Variants in BSN observed in about 807,000 individuals in gnomAD.
The protein encoded by BSN is protein bassoon.
In BSN, 57 loss-of-function variants were observed where a neutral mutation model predicts 264.8. The ratio of observed to expected loss-of-function variants is 0.22; its 90% CI spans 0.17 to 0.27. The LOEUF (loss-of-function observed/expected upper bound fraction) is 0.27, where lower values mean the gene tolerates loss of function less well. BSN is among the 10% of genes least tolerant of loss of function. BSN has a pLI of 1.00. For missense variants in BSN, 4,615 were observed against 5,232.5 expected (o/e 0.88, Z 3.64); for synonymous variants, 2,059 against 2,137.3 (o/e 0.96, Z 1.01).
intron 1 of BSN, among the ~76,000 whole-genome samples, chr3:49,605,935 TTATATATAAA>T (rs2052133988): frequency 2.3e-5 from 2 of 86,762 alleles, no homozygotes; most frequent in Admixed American, 2.2e-4. Flanking sequence ...TAAAATCTAT[TTATATATAAA>T]TATATATAAA....
rs958638570 is a variant in BSN, at chr3:49,655,053, C to T, written c.5497C>T (p.Pro1833Ser). 1.2e-6 allele frequency: 2 copies of T among 1,613,112 alleles called. No homozygotes were observed. Among genetic ancestry groups the T allele is most frequent in the African/African-American group, 2.7e-5 (2 of 75,076 alleles). The stretch of plus-strand genomic sequence containing the variant: ...CCAGAGCATTGGCCTCAAGCCAGGC[C>T]CAGTGCCAGAGCCAGGTGCCGAGCC... Reference protein sequence around the residue: ...TAQSIGLKPGPVPEPGAEPHR... With the variant: ...TAQSIGLKPGSVPEPGAEPHR... Residue 1833 changes from proline (P) to serine (S), a missense_variant, in exon 5 of 12, where the codon CCA becomes TCA. By Grantham distance (74) the Pro-to-Ser change is moderately conservative. Transcript: ENST00000296452.
intron 1 of BSN, among the ~76,000 whole-genome samples, chr3:49,581,963 A>G (rs951421047): frequency 6.6e-6 from 1 of 152,208 alleles, no homozygotes; most frequent in Non-Finnish European, 1.5e-5. Context: ...TTGGCATTCA[A>G]GTATCTGTTC....
intron 1 of BSN, among the ~76,000 whole-genome samples, chr3:49,575,157 C>G (rs1405289407): frequency 4.6e-5 from 7 of 151,886 alleles, no homozygotes; most frequent in Non-Finnish European, 1.0e-4. Flanking sequence ...TGCCGAAGAT[C>G]AGCCTGGGCA....
chr3:49,618,570 A>G (rs115522114), intron 1 of BSN, among the ~76,000 whole-genome samples: 3,302 of 152,258 alleles, frequency 0.022, 125 homozygotes, highest in African/African-American at 0.074. Flanking sequence ...ACACACTATC[A>G]CACGATTGCT....
chr3:49,564,392 C>T (rs1216757493), intron 1 of BSN, among the ~76,000 whole-genome samples: 2 of 152,218 alleles, frequency 1.3e-5, no homozygotes, highest in Non-Finnish European at 2.9e-5. Flanking sequence ...GCATGAGTCT[C>T]TGCTATGTTT....
Position 49,599,595 on chromosome 3 carries a change from C to T in BSN, c.225-25380C>T, listed in dbSNP as rs1383760998. Among the ~76,000 whole-genome samples, 3 of 152,188 alleles carry T rather than the reference C, an allele frequency of 2.0e-5. No homozygotes were observed. In the East Asian group the frequency reaches 5.8e-4, roughly 29 times the overall value. The stretch of plus-strand genomic sequence containing the variant: ...ACACCACAGACTCTCACTGTTCTTA[C>T]CAAGATTTAGTAGACTTTCTCGATT... On this transcript the variant is annotated intron_variant, in intron 1 of 11. Coordinates refer to ENST00000296452, the MANE Select transcript of BSN (RefSeq NM_003458.4).
At chr3:49,581,628 A>T (rs2051896043) in intron 1 of BSN, among the ~76,000 whole-genome samples, 1 of 152,076 alleles carries the variant, frequency 6.6e-6, no homozygotes, top group Admixed American at 6.6e-5. Flanking sequence ...GATCGAGACC[A>T]TCCTGGCCAA....
intron 3 of BSN, among the ~76,000 whole-genome samples, chr3:49,650,345 C>T (rs1247105715): frequency 6.6e-6 from 1 of 152,130 alleles, no homozygotes; most frequent in Non-Finnish European, 1.5e-5. Flanking sequence ...CTTTTCTGGC[C>T]TGGTGAAAAG....
At chr3:49,586,666 G>A (rs2051940530) in intron 1 of BSN, among the ~76,000 whole-genome samples, 1 of 152,220 alleles carries the variant, frequency 6.6e-6, no homozygotes, top group Non-Finnish European at 1.5e-5. Context: ...TGAAGATACT[G>A]TCTTTTCTCC....
At chr3:49,621,733 T>A (rs569146135) in intron 1 of BSN, among the ~76,000 whole-genome samples, 1 of 152,140 alleles carries the variant, frequency 6.6e-6, no homozygotes, top group South Asian at 2.1e-4. Flanking sequence ...ATTATTTATT[T>A]TAGAGACAGA....
In BSN at chr3:49,642,493, G is replaced by A. The variant is rs202140904; in HGVS notation, c.859G>A (p.Val287Met). The change falls in exon 3 of 12, where the codon GTG becomes ATG. Residue 287 changes from valine to methionine, a missense_variant. By Grantham distance (21) the Val-to-Met change is conservative. Coordinates refer to ENST00000296452, the MANE Select transcript of BSN (RefSeq NM_003458.4). This position sits in a 1 kb window ranked among gnomAD's most constrained non-coding sequence, Gnocchi z 7.0. ...GGCTGAGACAGCCAGGGCCACCTCA[G>A]TGCCGGGGCCTGCCCAAGCAGCTGC... ...RQAETARATS[V>M]PGPAQAAAPP... 79 of 1,572,644 alleles carry A rather than the reference G, an allele frequency of 5.0e-5. 1 individual carries two copies. In the East Asian group the frequency reaches 1.0e-3, roughly 20 times the overall value.
At chr3:49,604,449 G>A (rs191654853) in intron 1 of BSN, among the ~76,000 whole-genome samples, 3 of 152,202 alleles carry the variant, frequency 2.0e-5, no homozygotes, top group Admixed American at 1.3e-4. Flanking sequence ...GGTACCTCGT[G>A]TAAGTGGAAT....
chr3:49,654,122 T>G lies in BSN; in HGVS notation c.4566T>G (p.Gly1522=), dbSNP rs760801258. Residue 1522 remains glycine (G), a synonymous_variant, in exon 5 of 12, where the codon GGT becomes GGG. Transcript: ENST00000296452. This position sits in a 1 kb window ranked among gnomAD's most constrained non-coding sequence, Gnocchi z 4.1. ...APASDMPRSP[G]APTPSPMVAQ... ...CCTCAGACATGCCACGGAGCCCTGG[T>G]GCCCCCACTCCATCACCTATGGTAG... The G allele has an allele frequency of 2.5e-6, 4 of 1,613,984 alleles. No homozygotes were observed. In the South Asian group the frequency reaches 4.4e-5, roughly 18 times the overall value.
chr3:49,665,834 T>C (rs893536710), intron 11 of BSN, among the ~76,000 whole-genome samples: 4 of 152,128 alleles, frequency 2.6e-5, no homozygotes, highest in African/African-American at 9.7e-5. Context: ...GGAAGGGACA[T>C]AGAGGAAAGG....
At chr3:49,650,482 C>T (rs568815367) in intron 3 of BSN, 130 bp from the exon 4 acceptor site, 8 of 875,206 alleles carry the variant, frequency 9.1e-6, no homozygotes, top group East Asian at 7.8e-5. Flanking sequence ...TCTTTTTCTC[C>T]TTATGTCTTT....
chr3:49,578,933 C>T (rs1259935636), intron 1 of BSN, among the ~76,000 whole-genome samples: 4 of 152,096 alleles, frequency 2.6e-5, no homozygotes, highest in Admixed American at 6.6e-5. Context: ...TTCCAAGGCT[C>T]ATCCAGGATG....
chr3:49,610,594 A>AAAC (rs1206544233), intron 1 of BSN, among the ~76,000 whole-genome samples: 14 of 151,534 alleles, frequency 9.2e-5, no homozygotes, highest in East Asian at 1.9e-4. Flanking sequence ...CAAAAAAAAA[A>AAAC]AAAAAAAAAA....
chr3:49,651,801 C>G lies in BSN; in HGVS notation c.2245C>G (p.Leu749Val), dbSNP rs1290193336. 1 of 1,613,792 alleles carries G rather than the reference C, an allele frequency of 6.2e-7. No individual in the cohort carries two copies. The change falls in exon 5 of 12, where the codon CTC becomes GTC. Residue 749 changes from leucine (L) to valine (V), a missense_variant. By Grantham distance (32) the Leu-to-Val change is conservative (BLOSUM62 1). Coordinates refer to ENST00000296452, the MANE Select transcript of BSN (RefSeq NM_003458.4). The surrounding 1 kb of genome is among the most constrained non-coding windows in gnomAD (Gnocchi z 5.4). ...GLAPSERSKP[L>V]SSGTGEEQKQ... Reference sequence around the variant, plus strand: ...GGCCCCAAGTGAGCGGAGCAAGCCACTCTCCAGCGGTACTGGCGAGGAGCA... The same window carrying G: ...GGCCCCAAGTGAGCGGAGCAAGCCAGTCTCCAGCGGTACTGGCGAGGAGCA...
intron 1 of BSN, among the ~76,000 whole-genome samples, chr3:49,606,040 T>C (rs1235727200): frequency 2.2e-5 from 2 of 90,984 alleles, no homozygotes; most frequent in African/African-American, 9.0e-5. Flanking sequence ...ACATAATATA[T>C]TATATTATAT....
Sources: allele counts gnomAD v4.1 joint callset (sites outside exome capture counted in the v4.1 genomes callset), GRCh38; gene constraint gnomAD v4.1.1; non-coding constraint Gnocchi (gnomAD v3.1); transcripts MANE v1.5; gene names NCBI Gene and HGNC (gene_info 2026-07-23, HGNC 2026-07-21).